Variants in ARHGEF10 observed in about 807,000 individuals in gnomAD.
ARHGEF10 encodes the protein Rho guanine nucleotide exchange factor 10.
ARHGEF10 carries 140 observed loss-of-function variants against 147.4 expected under a neutral mutation model. The observed-to-expected ratio is 0.95, with a 90% CI of 0.83 to 1.09. The LOEUF (loss-of-function observed/expected upper bound fraction) is 1.09. Among genes scored for constraint, ARHGEF10 ranks in the 50% least tolerant of loss-of-function variants. ARHGEF10 has a pLI of 0.00. For missense variants in ARHGEF10, 2,222 were observed against 1,752.7 expected (o/e 1.27, Z -4.78); for synonymous variants, 902 against 695.8 (o/e 1.30, Z -4.67).
At chr8:1,826,175 A>G in intron 1 of ARHGEF10, 3 of 1,557,912 alleles carry the variant, frequency 1.9e-6, no homozygotes, top group Non-Finnish European at 2.6e-6. Flanking sequence ...TTTGTAATTC[A>G]TTAGTTGTAG....
intron 2 of ARHGEF10, among the ~76,000 whole-genome samples, chr8:1,846,211 C>T (rs1038181925): frequency 1.3e-5 from 2 of 152,254 alleles, no homozygotes; most frequent in Non-Finnish European, 2.9e-5. Flanking sequence ...GAGCGAGGCC[C>T]CTGCCCTTGC....
chr8:1,833,810 C>G (rs985833699), intron 1 of ARHGEF10, among the ~76,000 whole-genome samples: 2 of 152,260 alleles, frequency 1.3e-5, no homozygotes, highest in African/African-American at 4.8e-5. Context: ...TCCCCAGCTC[C>G]CTGTGCTGCT....
chr8:1,840,288 T>G (rs1292611738), intron 1 of ARHGEF10, among the ~76,000 whole-genome samples: 323 of 48,516 alleles, frequency 6.7e-3, no homozygotes, highest in Middle Eastern at 0.033. Flanking sequence ...GGGACTGTCC[T>G]GTGTGGAAGC....
rs1812402997 is a variant in ARHGEF10, at chr8:1,922,881, T to A, written c.2144-83T>A. 4.0e-5 allele frequency: 38 copies of A among 945,362 alleles called. 1 individual carries two copies. In the South Asian group the frequency reaches 4.9e-4, roughly 12 times the overall value. The allele number at this position is 945,362 out of a possible 1,614,324, so 58.6% of individuals were successfully genotyped here. The stretch of plus-strand genomic sequence containing the variant: ...CCTCAACTTAAAAATTATTTAGTAT[T>A]TGAGTCTTTTCTTCCCTCAAGTATT... On this transcript the variant is annotated intron_variant, in intron 18 of 28. Coordinates refer to ENST00000349830, the MANE Select transcript of ARHGEF10 (RefSeq NM_014629.4).
chr8:1,860,258 G>T lies in ARHGEF10; in HGVS notation c.481+74G>T, dbSNP rs575275326. On this transcript the variant is annotated intron_variant, in intron 4 of 28. Transcript: ENST00000349830. ...CCTCTCCACGCCCCCGAAGTGGCCT[G>T]TGGTTCCCTCCTCTGCATGCCCCGG... The T allele has an allele frequency of 1.4e-4, 208 of 1,498,390 alleles. No individual in the cohort carries two copies. In the African/African-American group the frequency reaches 2.5e-3, roughly 18 times the overall value. 92.8% of individuals were successfully genotyped at this position (1,498,390 alleles called of 1,614,324 possible).
intron 11 of ARHGEF10, among the ~76,000 whole-genome samples, chr8:1,891,692 C>G (rs189120391): frequency 6.6e-6 from 1 of 152,202 alleles, no homozygotes; most frequent in Admixed American, 6.5e-5. Flanking sequence ...GATTTCTCCT[C>G]TATGACTTTA....
In ARHGEF10 at chr8:1,920,602, A is replaced by G. The variant is rs140070888; in HGVS notation, c.2144-2362A>G. ...CTTGTGCTCCCAAAGTGCTGACATTATAGGCATCAGTTACCACAACCAGCC... is the reference window on the plus strand; with the variant it reads ...CTTGTGCTCCCAAAGTGCTGACATTGTAGGCATCAGTTACCACAACCAGCC... On this transcript the variant is annotated intron_variant, in intron 18 of 28. Transcript: ENST00000349830. 1.9e-3 allele frequency among the ~76,000 whole-genome samples: 294 copies of G among 152,120 alleles called. 1 individual carries two copies. Among genetic ancestry groups the G allele is most frequent in the African/African-American group, 6.8e-3 (284 of 41,520 alleles).
chr8:1,953,458 G>A (rs1320239454), intron 28 of ARHGEF10, among the ~76,000 whole-genome samples: 2 of 152,254 alleles, frequency 1.3e-5, no homozygotes, highest in Non-Finnish European at 2.9e-5. Flanking sequence ...ATGTCAGTAA[G>A]AGCTCAGGCT....
At chr8:1,869,553 A>T (rs1053770535) in intron 7 of ARHGEF10, 5 of 510,056 alleles carry the variant, frequency 9.8e-6, no homozygotes, top group Admixed American at 9.5e-5. Context: ...AGCAATGTAT[A>T]TCGAATAAAT....
At chr8:1,944,485 G>A (rs775630728) in intron 26 of ARHGEF10, among the ~76,000 whole-genome samples, 9 of 152,248 alleles carry the variant, frequency 5.9e-5, no homozygotes, top group Non-Finnish European at 1.0e-4. Flanking sequence ...GCGCGGCGTA[G>A]TGCCGCAGGA....
chr8:1,861,332 C>T (rs1806113154), intron 4 of ARHGEF10, among the ~76,000 whole-genome samples: 2 of 152,246 alleles, frequency 1.3e-5, no homozygotes, highest in African/African-American at 4.8e-5. Context: ...GCTTCGACTG[C>T]AGCCCAAGGG....
chr8:1,867,216 CA>C (rs1806701960), intron 6 of ARHGEF10, among the ~76,000 whole-genome samples: 1 of 152,000 alleles, frequency 6.6e-6, no homozygotes, highest in South Asian at 2.1e-4. Context: ...CGTATTTTTC[CA>C]AAACAATAGC....
intron 11 of ARHGEF10, among the ~76,000 whole-genome samples, chr8:1,888,791 ATTG>A (rs1809058769): frequency 1.2e-4 from 4 of 33,458 alleles, no homozygotes; most frequent in African/African-American, 4.5e-4. Flanking sequence ...TGGGGTGAGT[ATTG>A]TGAGGAGACA....
intron 18 of ARHGEF10, among the ~76,000 whole-genome samples, chr8:1,912,951 G>A (rs1018590512): frequency 3.9e-5 from 6 of 152,156 alleles, no homozygotes; most frequent in South Asian, 2.1e-4. Context: ...CCACCCGGCC[G>A]CTGTTCCTTC....
chr8:1,950,186 G>A (rs13259986), intron 27 of ARHGEF10, among the ~76,000 whole-genome samples: 41,362 of 152,114 alleles, frequency 0.27, 6,151 homozygotes, highest in Admixed American at 0.37. Context: ...CCTCGCCAGC[G>A]GACCTCACGT....
chr8:1,852,874 C>T (rs568901399), intron 2 of ARHGEF10, among the ~76,000 whole-genome samples: 4 of 152,310 alleles, frequency 2.6e-5, no homozygotes, highest in African/African-American at 7.2e-5. Context: ...CTGCTGCTGT[C>T]GGTCAGCATT....
At chr8:1,955,040 T>TC (rs1815385044) in intron 28 of ARHGEF10, among the ~76,000 whole-genome samples, 3 of 26,862 alleles carry the variant, frequency 1.1e-4, no homozygotes, top group African/African-American at 2.0e-4. Context: ...CTCACTGTTT[T>TC]TCTGGATGGG....
At chr8:1,887,197 A>C (rs765238677) in intron 11 of ARHGEF10, among the ~76,000 whole-genome samples, 5 of 152,232 alleles carry the variant, frequency 3.3e-5, no homozygotes, top group Non-Finnish European at 7.3e-5. Flanking sequence ...TGTAGCGATG[A>C]AGCCGAAAAC....
chr8:1,877,172 A>G (rs1263441571), intron 8 of ARHGEF10, among the ~76,000 whole-genome samples: 3 of 152,218 alleles, frequency 2.0e-5, no homozygotes, highest in South Asian at 2.1e-4. Flanking sequence ...AGACGTAAAA[A>G]TAGAAGATGT....
Sources: allele counts gnomAD v4.1 joint callset (sites outside exome capture counted in the v4.1 genomes callset), GRCh38; gene constraint gnomAD v4.1.1; transcripts MANE v1.5; gene names NCBI Gene and HGNC (gene_info 2026-07-23, HGNC 2026-07-21).